Variants in EHBP1 observed in about 807,000 individuals in gnomAD.
EHBP1 encodes EH domain binding protein 1.
Under a neutral mutation model 144.0 loss-of-function variants are expected in EHBP1, and 55 were observed. The observed-to-expected ratio is 0.38, with a 90% CI of 0.31 to 0.48. EHBP1 has a LOEUF of 0.48. EHBP1 is among the 20% of genes least tolerant of loss of function. The pLI is 0.98. For missense variants in EHBP1, 1,200 were observed against 1,364.2 expected (o/e 0.88, Z 1.90); for synonymous variants, 469 against 472.7 (o/e 0.99, Z 0.10).
intron 19 of EHBP1, among the ~76,000 whole-genome samples, chr2:63,006,284 C>G (rs1424650987): frequency 6.6e-6 from 1 of 151,794 alleles, no homozygotes; most frequent in East Asian, 1.9e-4. Context: ...CTATGCCACT[C>G]ATTGACATCT....
intron 1 of EHBP1, among the ~76,000 whole-genome samples, chr2:62,682,187 C>G (rs1396681615): frequency 3.3e-5 from 5 of 152,202 alleles, no homozygotes; most frequent in Non-Finnish European, 5.9e-5. Flanking sequence ...AAATCAAACT[C>G]TATGACAGCA....
chr2:62,983,959 A>G (rs1048933991), intron 15 of EHBP1, among the ~76,000 whole-genome samples: 2 of 152,198 alleles, frequency 1.3e-5, no homozygotes, highest in Non-Finnish European at 2.9e-5. Context: ...TATTTCAGTT[A>G]TGGAAAATAA....
At chr2:62,759,509 G>A (rs1201726091) in intron 3 of EHBP1, among the ~76,000 whole-genome samples, 1 of 152,028 alleles carries the variant, frequency 6.6e-6, no homozygotes, top group Non-Finnish European at 1.5e-5. Flanking sequence ...TGGTTCAAGC[G>A]ATTCGCCTGC....
intron 14 of EHBP1, among the ~76,000 whole-genome samples, chr2:62,963,854 A>G (rs1301680634): frequency 6.6e-6 from 1 of 152,208 alleles, no homozygotes; most frequent in African/African-American, 2.4e-5. Flanking sequence ...ATGAAAATAC[A>G]TCCTTACTTT....
intron 3 of EHBP1, among the ~76,000 whole-genome samples, chr2:62,750,334 T>C (rs183134621): frequency 6.6e-6 from 1 of 152,330 alleles, no homozygotes; most frequent in East Asian, 1.9e-4. Context: ...TTCTGTTCTA[T>C]TGATCTATAT....
intron 10 of EHBP1, among the ~76,000 whole-genome samples, chr2:62,894,113 T>C (rs2052684829): frequency 6.6e-6 from 1 of 151,948 alleles, no homozygotes; most frequent in African/African-American, 2.4e-5. Context: ...TGCTGCTTCA[T>C]GCATTCAATA....
chr2:62,930,392 T>A (rs1301358946), intron 10 of EHBP1, among the ~76,000 whole-genome samples: 2 of 152,138 alleles, frequency 1.3e-5, no homozygotes, highest in African/African-American at 4.8e-5. Context: ...CAGAAATAAA[T>A]GGAAAGATAT....
At chr2:62,835,983 G>T (rs1342417215) in intron 7 of EHBP1, among the ~76,000 whole-genome samples, 1 of 151,694 alleles carries the variant, frequency 6.6e-6, no homozygotes, top group Non-Finnish European at 1.5e-5. Flanking sequence ...ACTGGGTGGA[G>T]CCCACCACAG....
At chr2:63,009,823 T>C (rs2060196410) in intron 19 of EHBP1, among the ~76,000 whole-genome samples, 2 of 151,632 alleles carry the variant, frequency 1.3e-5, no homozygotes, top group East Asian at 3.8e-4. Context: ...ATACAATGTA[T>C]ATATACTATG....
intron 7 of EHBP1, among the ~76,000 whole-genome samples, chr2:62,853,018 C>G (rs1035944859): frequency 4.6e-5 from 7 of 152,136 alleles, no homozygotes; most frequent in Non-Finnish European, 8.8e-5. Context: ...TTGACTATCT[C>G]AAGCAATTTT....
At chr2:62,739,509 T>G (rs1213227242) in intron 2 of EHBP1, among the ~76,000 whole-genome samples, 1 of 151,902 alleles carries the variant, frequency 6.6e-6, no homozygotes, top group African/African-American at 2.4e-5. Flanking sequence ...AAAGAGTAAA[T>G]AATATGCTAA....
intron 5 of EHBP1, among the ~76,000 whole-genome samples, chr2:62,776,835 G>T (rs1334535205): frequency 6.6e-6 from 1 of 152,096 alleles, no homozygotes; most frequent in African/African-American, 2.4e-5. Flanking sequence ...CCAGACAGTT[G>T]ACATTGTAGG....
chr2:62,911,709 A>T (rs1574021587), intron 10 of EHBP1, among the ~76,000 whole-genome samples: 1 of 152,134 alleles, frequency 6.6e-6, no homozygotes, highest in African/African-American at 2.4e-5. Context: ...TGATCTGCCC[A>T]CCTTGGCCTC....
chr2:62,795,652 CCT>C (rs2043486878), intron 5 of EHBP1, among the ~76,000 whole-genome samples: 2 of 151,884 alleles, frequency 1.3e-5, no homozygotes, highest in South Asian at 4.2e-4. Flanking sequence ...ATAATATTTG[CCT>C]CTTTTTGTAT....
intron 7 of EHBP1, among the ~76,000 whole-genome samples, chr2:62,858,873 A>G (rs1339090478): frequency 6.6e-6 from 1 of 152,220 alleles, no homozygotes. Flanking sequence ...TGTTCTTTCT[A>G]AAAGTCTATG....
intron 5 of EHBP1, among the ~76,000 whole-genome samples, chr2:62,807,662 T>C (rs1294737446): frequency 6.6e-6 from 1 of 152,252 alleles, no homozygotes; most frequent in Non-Finnish European, 1.5e-5. Flanking sequence ...TTCTTCTCTC[T>C]AGAGAACTTC....
intron 5 of EHBP1, among the ~76,000 whole-genome samples, chr2:62,778,917 G>C (rs991432261): frequency 2.6e-5 from 4 of 151,792 alleles, no homozygotes; most frequent in African/African-American, 9.7e-5. Context: ...TCAATGTCTG[G>C]GGAAAGACTG....
At chr2:62,680,728 A>T (rs1021171412) in intron 1 of EHBP1, among the ~76,000 whole-genome samples, 3 of 152,196 alleles carry the variant, frequency 2.0e-5, no homozygotes, top group Non-Finnish European at 2.9e-5. Flanking sequence ...TCTAGAGGGA[A>T]TATGAGGCTA....
At chr2:62,803,354 C>A (rs2044186827) in intron 5 of EHBP1, among the ~76,000 whole-genome samples, 1 of 152,084 alleles carries the variant, frequency 6.6e-6, no homozygotes, top group Non-Finnish European at 1.5e-5. Flanking sequence ...AGTTTTATTG[C>A]TGAAAGAATA....
Sources: allele counts gnomAD v4.1 joint callset (sites outside exome capture counted in the v4.1 genomes callset), GRCh38; gene constraint gnomAD v4.1.1; transcripts MANE v1.5; gene names NCBI Gene and HGNC (gene_info 2026-07-23, HGNC 2026-07-21).